The following SLC38A1 variants were observed in gnomAD, a reference collection of about 807,000 sequenced individuals.
The protein encoded by SLC38A1 is solute carrier family 38 member 1.
In SLC38A1, 18 loss-of-function variants were observed where a neutral mutation model predicts 60.3. The observed-to-expected ratio is 0.30, with a 90% CI of 0.21 to 0.44. SLC38A1 has a LOEUF of 0.44. SLC38A1 is among the 20% of genes least tolerant of loss of function. SLC38A1 has a pLI of 1.00. For synonymous variants in SLC38A1, 196 were observed against 212.1 expected, an observed-to-expected ratio of 0.92 and a Z score of 0.66; for missense variants, 448 against 587.2, an observed-to-expected ratio of 0.76 and a Z score of 2.45.
rs981801617 is a variant in SLC38A1, at chr12:46,243,569, G to A, written c.-208-255C>T. On this transcript the variant is annotated intron_variant, in intron 1 of 16. Coordinates refer to ENST00000398637, the MANE Select transcript of SLC38A1 (RefSeq NM_030674.4). ...GGAGAGAAGACTGACAGATGGAGAT[G>A]GGGCCTGAGCTGAGACTTCACAGTG... 7.9e-5 allele frequency among the ~76,000 whole-genome samples: 12 copies of A among 152,260 alleles called. No homozygotes were observed. In the East Asian group the frequency reaches 9.6e-4, roughly 12 times the overall value.
At chr12:46,223,583 C>T (rs1367855002) in intron 5 of SLC38A1, among the ~76,000 whole-genome samples, 1 of 152,086 alleles carries the variant, frequency 6.6e-6, no homozygotes, top group African/African-American at 2.4e-5. Flanking sequence ...ATCTTTTTCA[C>T]TCCCACAACC....
intron 11 of SLC38A1, 93 bp from the exon 12 acceptor site, chr12:46,203,182 A>C: frequency 9.9e-7 from 1 of 1,005,196 alleles, no homozygotes; most frequent in Middle Eastern, 2.1e-4. Context: ...TTTATCTGAC[A>C]GCTCTTCAGA....
chr12:46,206,380 GT>G lies in SLC38A1; in HGVS notation c.564-219del, dbSNP rs373067381. On this transcript the variant is annotated intron_variant, in intron 8 of 16. Transcript: ENST00000398637. ...CCCTGTAATGGAAGAGGGAATATTG[GT>G]TTTTTTTTTTCCCATTGGCTAAATG... Among the ~76,000 whole-genome samples, 297 of 146,734 alleles carry G rather than the reference GT, an allele frequency of 2.0e-3. 3 individuals carry two copies. The highest frequency in any genetic ancestry group is 6.2e-3 in the African/African-American group (250 of 40,330).
chr12:46,198,824 A>T, intron 13 of SLC38A1, 81 bp from the exon 14 acceptor site: 1 of 818,540 alleles, frequency 1.2e-6, no homozygotes, highest in East Asian at 2.6e-5. Flanking sequence ...AAAACAAAGA[A>T]TCTGTAAACT....
chr12:46,193,518 A>G (rs369079334), intron 16 of SLC38A1, among the ~76,000 whole-genome samples: 1 of 152,132 alleles, frequency 6.6e-6, no homozygotes, highest in East Asian at 1.9e-4. Flanking sequence ...TCTGTCTAAT[A>G]TTGACAGTGG....
rs972503773 is a variant in SLC38A1 at position 46,183,979 on chromosome 12, T to C, written c.*4991A>G. 1.3e-5 allele frequency: 2 copies of C among 152,618 alleles called. No homozygotes were observed. Among genetic ancestry groups the C allele is most frequent in the Non-Finnish European group, 1.5e-5 (1 of 68,030 alleles). The allele number at this position is 152,618 out of a possible 1,614,324, so 9.5% of individuals were successfully genotyped here. The stretch of plus-strand genomic sequence containing the variant: ...GTGCAGATCAACAACTTCAAAAATA[T>C]ACAGCCTCCTATTTATTTACAATAA... On this transcript the variant is annotated 3_prime_UTR_variant, in exon 17 of 17. Transcript: ENST00000398637.
At chr12:46,205,627 C>T (rs891598884) in intron 9 of SLC38A1, among the ~76,000 whole-genome samples, 1 of 152,066 alleles carries the variant, frequency 6.6e-6, no homozygotes, top group Non-Finnish European at 1.5e-5. Flanking sequence ...TCTCCCACTT[C>T]GAAGAGAAAT....
chr12:46,204,798 C>CA (rs1939820275), intron 9 of SLC38A1, among the ~76,000 whole-genome samples: 1 of 151,866 alleles, frequency 6.6e-6, no homozygotes, highest in African/African-American at 2.4e-5. Context: ...CTTTATTTGG[C>CA]AAAAAAATGG....
chr12:46,237,896 TA>T (rs1301717440), intron 3 of SLC38A1, among the ~76,000 whole-genome samples: 2 of 151,644 alleles, frequency 1.3e-5, no homozygotes, highest in African/African-American at 4.9e-5. Context: ...TGTCCAGGAG[TA>T]CAGCACATAA....
At chr12:46,226,144 T>C (rs906113870) in intron 5 of SLC38A1, among the ~76,000 whole-genome samples, 5 of 152,196 alleles carry the variant, frequency 3.3e-5, no homozygotes, top group African/African-American at 1.2e-4. Flanking sequence ...TAGAGATATA[T>C]ACTAAAATAT....
At chr12:46,197,264 C>T (rs12299972) in intron 16 of SLC38A1, 28,807 of 155,454 alleles carry the variant, frequency 0.19, 3,364 homozygotes, top group African/African-American at 0.34. Context: ...CCGAGGCAGA[C>T]GGATCATGAG....
chr12:46,198,852 A>G, intron 13 of SLC38A1, 109 bp from the exon 14 acceptor site: 2 of 685,340 alleles, frequency 2.9e-6, no homozygotes, highest in Non-Finnish European at 5.1e-6. Flanking sequence ...AAGAAAAGCA[A>G]TGTTTCGAAA....
chr12:46,194,364 A>G (rs994804799), intron 16 of SLC38A1, among the ~76,000 whole-genome samples: 2 of 152,246 alleles, frequency 1.3e-5, no homozygotes, highest in East Asian at 3.9e-4. Flanking sequence ...GCTGCCCTTA[A>G]CATTGTTTCC....
chr12:46,207,131 A>T (rs1416626754), intron 8 of SLC38A1, 24 bp downstream of exon 8: 1 of 1,487,912 alleles, frequency 6.7e-7, no homozygotes, highest in Non-Finnish European at 9.2e-7. Context: ...TAGTTATATC[A>T]TAAAAAAATG....
chr12:46,209,153 T>A (rs1940039444), intron 5 of SLC38A1, 26 bp from the exon 6 acceptor site: 1 of 1,446,400 alleles, frequency 6.9e-7, no homozygotes, highest in South Asian at 1.2e-5. Context: ...TAAATCTTAT[T>A]GTAATATCTA....
chr12:46,210,060 C>T (rs189725510), intron 5 of SLC38A1, among the ~76,000 whole-genome samples: 1 of 152,228 alleles, frequency 6.6e-6, no homozygotes, highest in East Asian at 1.9e-4. Flanking sequence ...ATTATTTTTC[C>T]ACCAAGTGCT....
intron 13 of SLC38A1, among the ~76,000 whole-genome samples, chr12:46,199,452 C>T (rs1939548211): frequency 6.6e-6 from 1 of 151,680 alleles, no homozygotes; most frequent in African/African-American, 2.4e-5. Context: ...TGGGCACAAG[C>T]AATCCTCCTG....
At position 46,223,411 on chromosome 12, in the gene SLC38A1, G is replaced by A. The variant is rs559755623; in HGVS notation, c.314+5742C>T. ...ATCTACAGTGTGTACTATGCACCAC[G>A]CACTACTATCACTCTCTCCATCTCT... On this transcript the variant is annotated intron_variant, in intron 5 of 16. Transcript: ENST00000398637. Among the ~76,000 whole-genome samples, 7 of 151,254 alleles carry A rather than the reference G, an allele frequency of 4.6e-5. No individual in the cohort carries two copies. The South Asian group carries it at 6.3e-4, about 14-fold the overall frequency.
chr12:46,226,033 C>A (rs909694630), intron 5 of SLC38A1, among the ~76,000 whole-genome samples: 1 of 152,086 alleles, frequency 6.6e-6, no homozygotes. Context: ...ATAACATAAT[C>A]AAAGCAATTT....
Sources: allele counts gnomAD v4.1 joint callset (sites outside exome capture counted in the v4.1 genomes callset), GRCh38; gene constraint gnomAD v4.1.1; transcripts MANE v1.5; gene names NCBI Gene and HGNC (gene_info 2026-07-23, HGNC 2026-07-21).